Variants in PCDH7 observed in about 807,000 individuals in gnomAD.
PCDH7 encodes the protein protocadherin 7.
In PCDH7, 17 loss-of-function variants were observed where a neutral mutation model predicts 58.9. That is an observed-to-expected ratio of 0.29 (90% confidence interval 0.20 to 0.43). The LOEUF is 0.43. PCDH7 is among the 20% of genes least tolerant of loss of function. The pLI is 1.00. For synonymous variants in PCDH7, 664 were observed against 616.4 expected, an observed-to-expected ratio of 1.08 and a Z score of -1.14; for missense variants, 1,274 against 1,441.0, an observed-to-expected ratio of 0.88 and a Z score of 1.88.
chr4:30,770,749 AG>A, intron 1 of PCDH7, among the ~76,000 whole-genome samples: 1 of 152,316 alleles, frequency 6.6e-6, no homozygotes, highest in Admixed American at 6.5e-5. Context: ...TGAACAAAAA[AG>A]TCATTAAATA....
chr4:30,829,358 G>A (rs1433476484), intron 1 of PCDH7, among the ~76,000 whole-genome samples: 1 of 151,922 alleles, frequency 6.6e-6, no homozygotes, highest in Non-Finnish European at 1.5e-5. Context: ...TAATTTCCTA[G>A]TTATCAAACA....
chr4:30,758,811 A>G (rs1413050014), intron 1 of PCDH7, among the ~76,000 whole-genome samples: 1 of 152,164 alleles, frequency 6.6e-6, no homozygotes. Flanking sequence ...ATTTCATATA[A>G]TAAATTATTG....
intron 3 of PCDH7, among the ~76,000 whole-genome samples, chr4:31,061,786 C>T (rs973780674): frequency 6.6e-6 from 1 of 151,616 alleles, no homozygotes; most frequent in African/African-American, 2.4e-5. Flanking sequence ...TACTGATTTT[C>T]ATTGAAATGA....
intron 3 of PCDH7, among the ~76,000 whole-genome samples, chr4:30,956,715 T>A (rs559347239): frequency 1.3e-5 from 2 of 152,324 alleles, no homozygotes; most frequent in East Asian, 3.9e-4. Context: ...TTTTTCAAGG[T>A]CATTTAGTTA....
At chr4:30,930,338 C>T (rs2109425241) in intron 2 of PCDH7, among the ~76,000 whole-genome samples, 1 of 152,246 alleles carries the variant, frequency 6.6e-6, no homozygotes, top group Admixed American at 6.5e-5. Flanking sequence ...GTGGAAAGAG[C>T]AGCACATTTT....
intron 3 of PCDH7, among the ~76,000 whole-genome samples, chr4:30,991,688 T>C (rs1434392877): frequency 6.6e-6 from 1 of 152,190 alleles, no homozygotes; most frequent in African/African-American, 2.4e-5. Flanking sequence ...GTCATCGTTC[T>C]TTTGGAGAAT....
At chr4:31,113,277 C>T (rs1251162201) in intron 3 of PCDH7, among the ~76,000 whole-genome samples, 3 of 152,078 alleles carry the variant, frequency 2.0e-5, no homozygotes, top group African/African-American at 7.2e-5. Flanking sequence ...GTTTAGCACC[C>T]ACCAACATCA....
Position 30,935,292 on chromosome 4 carries a change from G to T in PCDH7, c.288-14828G>T, listed in dbSNP as rs574737727. Reference sequence around the variant, plus strand: ...TGTTCATAATATTTATTAAATGCATGATTATTTTCTTACCTCCAGAAATGT... The same window carrying T: ...TGTTCATAATATTTATTAAATGCATTATTATTTTCTTACCTCCAGAAATGT... On this transcript the variant is annotated intron_variant, in intron 2 of 3. Coordinates refer to the PCDH7 transcript ENST00000509759. 168 of 936,542 alleles carry T rather than the reference G, an allele frequency of 1.8e-4. 1 individual carries two copies. The African/African-American group carries it at 2.9e-3, about 16-fold the overall frequency. 58.0% of individuals were successfully genotyped at this position (936,542 alleles called of 1,614,324 possible). A position where few individuals can be genotyped will look rare whatever the true frequency, so the allele number is the denominator to read the frequency against.
At chr4:31,004,200 C>T (rs1158944378) in intron 3 of PCDH7, among the ~76,000 whole-genome samples, 3 of 151,874 alleles carry the variant, frequency 2.0e-5, no homozygotes, top group African/African-American at 7.3e-5. Flanking sequence ...TGTATGTAAT[C>T]GATAGTTATA....
At chr4:31,007,982 G>A (rs1003951027) in intron 3 of PCDH7, among the ~76,000 whole-genome samples, 2 of 151,910 alleles carry the variant, frequency 1.3e-5, no homozygotes, top group South Asian at 2.1e-4. Flanking sequence ...CCACTTAATC[G>A]CTGCAGCATG....
intron 3 of PCDH7, among the ~76,000 whole-genome samples, chr4:31,008,475 A>C (rs1482951706): frequency 6.6e-6 from 1 of 152,190 alleles, no homozygotes; most frequent in African/African-American, 2.4e-5. Context: ...AATCCTCAGG[A>C]TGAATGTTAT....
chr4:31,113,831 C>CTTT (rs35105911), intron 3 of PCDH7, among the ~76,000 whole-genome samples: 12 of 107,500 alleles, frequency 1.1e-4, no homozygotes, highest in African/African-American at 1.5e-4. Context: ...GTTAACCTTT[C>CTTT]TTTTTTTTTT....
intron 1 of PCDH7, among the ~76,000 whole-genome samples, chr4:30,769,350 A>G (rs1343243768): frequency 1.3e-5 from 2 of 152,174 alleles, no homozygotes; most frequent in African/African-American, 4.8e-5. Flanking sequence ...GTCACTCCGC[A>G]TGGTTTCCTG....
intron 1 of PCDH7, among the ~76,000 whole-genome samples, chr4:30,727,973 A>T (rs1484158930): frequency 3.3e-5 from 5 of 151,794 alleles, no homozygotes; most frequent in African/African-American, 1.2e-4. Flanking sequence ...AAAGTAAGGT[A>T]ATTTATTTTT....
intron 3 of PCDH7, among the ~76,000 whole-genome samples, chr4:31,091,202 A>G (rs1713202773): frequency 6.6e-6 from 1 of 151,982 alleles, no homozygotes; most frequent in Non-Finnish European, 1.5e-5. Flanking sequence ...AAATGCCTTC[A>G]CTGACTGATA....
intron 1 of PCDH7, among the ~76,000 whole-genome samples, chr4:30,798,531 C>T (rs1025524263): frequency 3.3e-5 from 5 of 152,116 alleles, no homozygotes; most frequent in Admixed American, 6.5e-5. Context: ...AAAAGAGAAA[C>T]ATATTAATGC....
intron 1 of PCDH7, among the ~76,000 whole-genome samples, chr4:30,890,811 G>A (rs4692106): frequency 0.19 from 28,700 of 151,876 alleles, 3,400 homozygotes; most frequent in East Asian, 0.28. Context: ...TTTACCTAGC[G>A]TAGTAAATTA....
chr4:30,816,222 T>C (rs983868386), intron 1 of PCDH7, among the ~76,000 whole-genome samples: 2 of 152,192 alleles, frequency 1.3e-5, no homozygotes, highest in Non-Finnish European at 2.9e-5. Flanking sequence ...TATTGTACTG[T>C]ACATATTTAA....
At chr4:30,794,767 T>G (rs1724574699) in intron 1 of PCDH7, among the ~76,000 whole-genome samples, 1 of 152,212 alleles carries the variant, frequency 6.6e-6, no homozygotes, top group Admixed American at 6.5e-5. Flanking sequence ...AAGTTCTATT[T>G]TGTAAAATAA....
Sources: gnomAD v4.1 joint callset for allele counts (sites outside exome capture counted in the v4.1 genomes callset) on GRCh38, gnomAD v4.1.1 for gene constraint, MANE v1.5 for transcripts, NCBI Gene and HGNC (gene_info 2026-07-23, HGNC 2026-07-21) for gene names.